Variants in GFRA2 observed in about 807,000 individuals in gnomAD.
GFRA2 encodes the protein GDNF family receptor alpha 2.
A neutral mutation model predicts 48.3 loss-of-function variants in GFRA2; 17 were observed. The ratio of observed to expected loss-of-function variants is 0.35; its 90% confidence interval spans 0.24 to 0.53. The LOEUF is 0.53. Among genes scored for constraint, GFRA2 ranks in the 20% least tolerant of loss-of-function variants. GFRA2 has a pLI of 0.93. For missense variants in GFRA2, 660 were observed against 637.3 expected, an observed-to-expected ratio of 1.04 and a Z score of -0.38; for synonymous variants, 305 against 257.2, an observed-to-expected ratio of 1.19 and a Z score of -1.78.
At chr8:21,695,101 C>T (rs1449020278) in intron 7 of GFRA2, among the ~76,000 whole-genome samples, 1 of 152,198 alleles carries the variant, frequency 6.6e-6, no homozygotes, top group Non-Finnish European at 1.5e-5. Context: ...CTGGCAACTG[C>T]ACCAGCCCAT....
chr8:21,764,126 G>T (rs182982745), intron 3 of GFRA2, among the ~76,000 whole-genome samples: 25 of 152,270 alleles, frequency 1.6e-4, no homozygotes, highest in African/African-American at 6.0e-4. Flanking sequence ...TGTTCGGGCT[G>T]CTATAACAAA....
intron 7 of GFRA2, among the ~76,000 whole-genome samples, chr8:21,695,513 G>A (rs4400374): frequency 1.3e-5 from 2 of 152,002 alleles, no homozygotes; most frequent in Admixed American, 1.3e-4. Flanking sequence ...ACATGGAGAC[G>A]CTGGCCAAGA....
intron 4 of GFRA2, among the ~76,000 whole-genome samples, chr8:21,723,588 A>G (rs1803709146): frequency 1.3e-5 from 2 of 152,204 alleles, no homozygotes; most frequent in African/African-American, 4.8e-5. Context: ...AGGACAGGGC[A>G]GAAGGAGGCC....
chr8:21,770,785 C>T (rs1243559112), intron 3 of GFRA2, among the ~76,000 whole-genome samples: 4 of 152,208 alleles, frequency 2.6e-5, no homozygotes, highest in African/African-American at 9.6e-5. Context: ...TTCATCACCA[C>T]TTTGATGTCC....
chr8:21,704,851 C>A (rs962889361), intron 6 of GFRA2, 134 bp downstream of exon 6: 3 of 728,552 alleles, frequency 4.1e-6, no homozygotes, highest in South Asian at 1.7e-5. Context: ...AAGGTCCCCA[C>A]GGGCAACACC....
intron 7 of GFRA2, among the ~76,000 whole-genome samples, chr8:21,695,003 A>G (rs1032529832): frequency 5.3e-5 from 8 of 152,222 alleles, no homozygotes; most frequent in Non-Finnish European, 1.2e-4. Flanking sequence ...GGCTCTATAT[A>G]AAAAGATCAT....
At chr8:21,705,221 T>G in intron 5 of GFRA2, 96 bp from the exon 6 acceptor site, 1 of 1,282,216 alleles carries the variant, frequency 7.8e-7, no homozygotes, top group Non-Finnish European at 1.1e-6. Flanking sequence ...GGCAGAGGCG[T>G]GGTACCCATC....
chr8:21,775,103 G>A (rs1482683037), intron 2 of GFRA2, 48 bp from the exon 3 acceptor site: 28 of 945,840 alleles, frequency 3.0e-5, no homozygotes, highest in Non-Finnish European at 4.5e-5. Context: ...GGGCCAGAGC[G>A]CTGCCGGCAC....
At chr8:21,792,238 C>T (rs1184781068), upstream of GFRA2, among the ~76,000 whole-genome samples, 4 of 152,232 alleles carry the variant, frequency 2.6e-5, no homozygotes, top group Non-Finnish European at 5.9e-5. Context: ...CGCACACATG[C>T]GCACCTAGGC....
At chr8:21,726,994 C>T (rs1803902779) in intron 4 of GFRA2, among the ~76,000 whole-genome samples, 1 of 152,182 alleles carries the variant, frequency 6.6e-6, no homozygotes, top group South Asian at 2.1e-4. Flanking sequence ...TCGTGATCCA[C>T]CTGCCTCGGC....
At chr8:21,699,098 G>A (rs1337445803) in intron 7 of GFRA2, among the ~76,000 whole-genome samples, 7 of 152,288 alleles carry the variant, frequency 4.6e-5, no homozygotes, top group East Asian at 1.9e-4. Flanking sequence ...CTCCAGCACC[G>A]GGACCATGGT....
At chr8:21,789,301 C>G (rs1444003717), upstream of GFRA2, 1 of 152,962 alleles carries the variant, frequency 6.5e-6, no homozygotes. Context: ...CTCCTCCCCC[C>G]GCAGCTCTCC....
intron 4 of GFRA2, among the ~76,000 whole-genome samples, chr8:21,712,350 G>A (rs1453236218): frequency 4.0e-5 from 6 of 149,402 alleles, no homozygotes; most frequent in Admixed American, 6.7e-5. Context: ...GGGCAGAGGC[G>A]CTCCTCACAT....
In GFRA2 at chr8:21,694,077, T is replaced by TA. The variant is rs1338101835; in HGVS notation, c.1272+386_1272+387insT. ...TATTTATATATATATTTATTTATTT[T>TA]TATATATATATATATTTCCTATAGT... On this transcript the variant is annotated intron_variant, in intron 8 of 8. Transcript: ENST00000524240. Among the ~76,000 whole-genome samples, 360 of 109,284 alleles carry TA rather than the reference T, an allele frequency of 3.3e-3. 33 individuals carry two copies. The highest frequency in any genetic ancestry group is 9.4e-3 in the African/African-American group (297 of 31,466). The allele number at this position is 109,284 out of a possible 152,430, so 71.7% of individuals were successfully genotyped here. A position where few individuals can be genotyped will look rare whatever the true frequency, so the allele number is the denominator to read the frequency against.
intron 3 of GFRA2, among the ~76,000 whole-genome samples, chr8:21,771,575 G>A (rs1455044204): frequency 6.6e-6 from 1 of 152,160 alleles, no homozygotes; most frequent in African/African-American, 2.4e-5. Flanking sequence ...GGTGTTGCAG[G>A]AATCCTGGCA....
At chr8:21,788,035 G>T (rs1228688348) in intron 1 of GFRA2, 85 bp downstream of exon 1, 46 of 214,728 alleles carry the variant, frequency 2.1e-4, no homozygotes, top group African/African-American at 1.3e-3. Flanking sequence ...CCGACCTCCC[G>T]CCAGCCCCCC....
chr8:21,759,099 A>G (rs1257168192), intron 3 of GFRA2, among the ~76,000 whole-genome samples: 1 of 152,216 alleles, frequency 6.6e-6, no homozygotes, highest in African/African-American at 2.4e-5. Context: ...ACACAAAAAT[A>G]CATAAAAAAG....
At chr8:21,703,034 G>A in intron 6 of GFRA2, 57 bp from the exon 7 acceptor site, 1 of 1,127,182 alleles carries the variant, frequency 8.9e-7, no homozygotes, top group Non-Finnish European at 1.2e-6. Flanking sequence ...CGTCACTCCT[G>A]TCCCTGCTCC....
intron 7 of GFRA2, among the ~76,000 whole-genome samples, chr8:21,697,379 A>T (rs376149507): frequency 6.6e-6 from 1 of 152,006 alleles, no homozygotes; most frequent in Non-Finnish European, 1.5e-5. Context: ...GTACCCTCTC[A>T]TCTGATGCTG....
Sources: gnomAD v4.1 joint callset for allele counts (sites outside exome capture counted in the v4.1 genomes callset) on GRCh38, gnomAD v4.1.1 for gene constraint, MANE v1.5 for transcripts, NCBI Gene and HGNC (gene_info 2026-07-23, HGNC 2026-07-21) for gene names.